The following NRSN2 variants were observed in gnomAD, a reference collection of about 807,000 sequenced individuals.
The protein encoded by NRSN2 is neurensin-2.
In NRSN2, 10 loss-of-function variants were observed where a neutral mutation model predicts 11.1. That is an observed-to-expected ratio of 0.90 (90% CI 0.56 to 1.53). The LOEUF (loss-of-function observed/expected upper bound fraction) is 1.53, where lower values mean the gene tolerates loss of function less well. Among genes scored for constraint, NRSN2 ranks in the 40% most tolerant of loss-of-function variants. The probability of loss-of-function intolerance (pLI) is 0.00; values close to 1 mark genes in which losing one functional copy is unlikely to be tolerated. For synonymous variants in NRSN2, 100 were observed against 117.0 expected, an observed-to-expected ratio of 0.86 and a Z score of 0.94; for missense variants, 260 against 273.7, an observed-to-expected ratio of 0.95 and a Z score of 0.35.
Position 349,590 on chromosome 20 carries a change from C to G in NRSN2, c.-6-48C>G. 3.3e-6 allele frequency: 5 copies of G among 1,504,658 alleles called. No homozygotes were observed. The Admixed American group carries it at 7.3e-5, about 22-fold the overall frequency. The allele number at this position is 1,504,658 out of a possible 1,614,324, so 93.2% of individuals were successfully genotyped here. ...GGCTTATGAAGGTCACCATGAGCAGCTCCCACTAATCCCTCCCTCCGTCAG... is the reference window on the plus strand; with the variant it reads ...GGCTTATGAAGGTCACCATGAGCAGGTCCCACTAATCCCTCCCTCCGTCAG... On this transcript the variant is annotated intron_variant, in intron 3 of 4. Transcript: ENST00000382285.
Position 353,074 on chromosome 20 carries a change from G to A in NRSN2, c.190-136G>A, listed in dbSNP as rs2014095493. ...CCTCCTGTCAGTTAGACCCCAGCAA[G>A]TGTGTTCTGTGATTCCCATCTCCTG... is the stretch of plus-strand genomic sequence containing the variant. On this transcript the variant is annotated intron_variant, in intron 4 of 4. Transcript: ENST00000382285. 6.7e-6 allele frequency: 5 copies of A among 750,730 alleles called. No individual in the cohort carries two copies. The Admixed American group carries it at 7.7e-5, about 12-fold the overall frequency. 46.5% of individuals were successfully genotyped at this position (750,730 alleles called of 1,614,324 possible). A position where few individuals can be genotyped will look rare whatever the true frequency, so the allele number is the denominator to read the frequency against.
chr20:353,345 A>C lies in NRSN2; in HGVS notation c.325A>C (p.Asn109His). ...GTTGGATCAGCGGGCAGCCGACTAC[A>C]ACCAGGCCCTGGGCACCTGTCGCCT... ...LVLDQRAADY[N>H]QALGTCRLAG... Residue 109 changes from asparagine (N) to histidine (H), a missense_variant, in exon 5 of 5, where the codon AAC becomes CAC. By Grantham distance (68) the Asn-to-His change is moderately conservative (BLOSUM62 1). Transcript: ENST00000382285. The C allele has an allele frequency of 1.2e-6, 2 of 1,614,018 alleles. No individual in the cohort carries two copies. Among genetic ancestry groups the C allele is most frequent in the Non-Finnish European group, 1.7e-6 (2 of 1,180,002 alleles).
rs142704730 is a variant in NRSN2 at position 353,362 on chromosome 20, C to T, written c.342C>T (p.Thr114=). 13 of 1,613,940 alleles carry T rather than the reference C, an allele frequency of 8.1e-6. No individual in the cohort carries two copies. The highest frequency in any genetic ancestry group is 1.1e-5 in the South Asian group (1 of 91,086). The change falls in exon 5 of 5, where the codon ACC becomes ACT. Residue 114 remains threonine, a synonymous_variant. Coordinates refer to ENST00000382285, the MANE Select transcript of NRSN2 (RefSeq NM_001323682.2). ...CCGACTACAACCAGGCCCTGGGCAC[C>T]TGTCGCCTGGCAGGCACAGCGCTCT... The part of the protein sequence containing the change: ...RAADYNQALG[T]CRLAGTALCV...
chr20:348,291 C>T (rs528440076), intron 2 of NRSN2: 2 of 152,678 alleles, frequency 1.3e-5, no homozygotes, highest in East Asian at 1.9e-4. Context: ...CCTCCTCCGA[C>T]GGTCCTTCGC....
intron 4 of NRSN2, among the ~76,000 whole-genome samples, 149 bp from the exon 5 acceptor site, chr20:353,057 CAGTT>C (rs975742648): frequency 3.3e-5 from 5 of 152,088 alleles, no homozygotes; most frequent in Admixed American, 1.3e-4. Flanking sequence ...TGCCTCCTGT[CAGTT>C]AGACCCCAGC....
intron 3 of NRSN2, 58 bp downstream of exon 3, chr20:349,421 C>T (rs1196449287): frequency 2.2e-6 from 1 of 461,086 alleles, no homozygotes; most frequent in Non-Finnish European, 3.9e-6. Flanking sequence ...AATTGCCAGG[C>T]ACTGGGCTAA....
chr20:352,286 G>C lies in NRSN2; in HGVS notation c.190-924G>C, dbSNP rs374540363. Among the ~76,000 whole-genome samples, 190 of 152,324 alleles carry C rather than the reference G, an allele frequency of 1.2e-3. 7 individuals carry two copies. In the South Asian group the frequency reaches 0.029, roughly 23 times the overall value. On this transcript the variant is annotated intron_variant, in intron 4 of 4. Transcript: ENST00000382285. ...GCAATGAGCTGAGTGCCTGCTATGGGCATAGCTCTTTGCTAAATATTCTCG... is the reference window on the plus strand; with the variant it reads ...GCAATGAGCTGAGTGCCTGCTATGGCCATAGCTCTTTGCTAAATATTCTCG...
At position 349,721 on chromosome 20, in the gene NRSN2, C is replaced by T. The variant is rs369450362; in HGVS notation, c.78C>T (p.Arg26=). ...SVEDGKWYGV[R]SYLHLFYEDC... ...AGGATGGCAAGTGGTATGGGGTCCG[C>T]TCCTACCTGCACCTCTTCTATGAGG... The change falls in exon 4 of 5, where the codon CGC becomes CGT. Residue 26 remains arginine, a synonymous_variant. Transcript: ENST00000382285. 3.0e-5 allele frequency: 49 copies of T among 1,613,504 alleles called. 1 individual carries two copies. In the South Asian group the frequency reaches 3.5e-4, roughly 12 times the overall value.
At position 353,324 on chromosome 20, in the gene NRSN2, G is replaced by A; in HGVS notation, c.304G>A (p.Asp102Asn). The change falls in exon 5 of 5, where the codon GAT (aspartate) becomes AAT (asparagine). Residue 102 changes from aspartate to asparagine, a missense_variant. Asp to Asn is a conservative substitution (Grantham distance 23). Coordinates refer to ENST00000382285, the MANE Select transcript of NRSN2 (RefSeq NM_001323682.2). ...CGGTGAGGGTGAGTTCCTGGTGTTG[G>A]ATCAGCGGGCAGCCGACTACAACCA... The part of the protein sequence containing the change: ...GIGEGEFLVL[D>N]QRAADYNQAL... 1.2e-6 allele frequency: 2 copies of A among 1,614,052 alleles called. No homozygotes were observed. The highest frequency in any genetic ancestry group is 1.7e-6 in the Non-Finnish European group (2 of 1,180,022).
At position 347,696 on chromosome 20, in the gene NRSN2, C is replaced by G. The variant is rs992414086; in HGVS notation, c.-122+184C>G. Among the ~76,000 whole-genome samples, 1 of 152,116 alleles carries G rather than the reference C, an allele frequency of 6.6e-6. No individual in the cohort carries two copies. Among genetic ancestry groups the G allele is most frequent in the Non-Finnish European group, 1.5e-5 (1 of 68,008 alleles). On this transcript the variant is annotated intron_variant, in intron 2 of 4. Transcript: ENST00000382285. The surrounding 1 kb of genome is among the most constrained non-coding windows in gnomAD (Gnocchi z 7.0). ...AGAGGCGACAGATTCCGTCCATCTT[C>G]GGGCCCTGGCTTCCGTCACTTCCGC...
chr20:348,341 T>C (rs2013618826), intron 2 of NRSN2: 1 of 152,916 alleles, frequency 6.5e-6, no homozygotes, highest in Non-Finnish European at 1.5e-5. Flanking sequence ...TCGTGGCTTT[T>C]GTTGTTGTTG....
chr20:348,251 G>A (rs150341630), intron 2 of NRSN2: 1,949 of 151,186 alleles, frequency 0.013, 16 homozygotes, highest in Non-Finnish European at 0.022. Flanking sequence ...GCCTCCTCCG[G>A]CGAGCCCTCC....
rs768668872 is a variant in NRSN2 at position 349,820 on chromosome 20, A to G, written c.177A>G (p.Ser59=). 5.0e-6 allele frequency: 8 copies of G among 1,613,078 alleles called. No homozygotes were observed. Among genetic ancestry groups the G allele is most frequent in the Non-Finnish European group, 6.8e-6 (8 of 1,179,868 alleles). ...TGTGCCCCCGCCGGCCCTGGCCCTC[A>G]CTGTGTTGGAAGGTAAGGCCAGATG... The part of the protein sequence containing the change: ...PVLCPRRPWP[S]LCWKISLSSG... The change falls in exon 4 of 5, where the codon TCA becomes TCG. Residue 59 remains serine (S), a synonymous_variant. Transcript: ENST00000382285.
intron 3 of NRSN2, 39 bp downstream of exon 3, chr20:349,402 G>C (rs2013735566): frequency 4.8e-6 from 2 of 416,572 alleles, no homozygotes; most frequent in Non-Finnish European, 8.6e-6. Context: ...CACATTTATT[G>C]ACACCTCCAA....
chr20:353,692 C>T lies in NRSN2; in HGVS notation c.*57C>T. The T allele has an allele frequency of 1.3e-6, 2 of 1,537,100 alleles. No individual in the cohort carries two copies. The highest frequency in any genetic ancestry group is 2.0e-5 in the Admixed American group (1 of 50,710). ...GATCCTTCCCCCCTTCTCACCATAA[C>T]CCCCTCTCAGTGTTTCCCCAACTTC... On this transcript the variant is annotated 3_prime_UTR_variant, in exon 5 of 5. Transcript: ENST00000382285.
At position 353,480 on chromosome 20, in the gene NRSN2, G is replaced by A. The variant is rs182411480; in HGVS notation, c.460G>A (p.Glu154Lys). The A allele has an allele frequency of 6.3e-5, 102 of 1,614,174 alleles. No homozygotes were observed. The highest frequency in any genetic ancestry group is 1.7e-4 in the Middle Eastern group (1 of 6,060). The change falls in exon 5 of 5, where the codon GAA becomes AAA. Residue 154 changes from glutamate (E) to lysine (K), a missense_variant. By Grantham distance (56) the Glu-to-Lys change is moderately conservative (BLOSUM62 1). Coordinates refer to ENST00000382285, the MANE Select transcript of NRSN2 (RefSeq NM_001323682.2). ...QDTKAEPLDPEADSHVEVFGD... is the reference protein window; with the variant it reads ...QDTKAEPLDPKADSHVEVFGD... The stretch of plus-strand genomic sequence containing the variant: ...CACCAAGGCAGAGCCCTTGGACCCC[G>A]AAGCCGACAGCCACGTGGAGGTCTT...
rs550226638 is a variant in NRSN2, at chr20:347,406, A to C, written c.-200-28A>C. On this transcript the variant is annotated intron_variant, in intron 1 of 4. Transcript: ENST00000382285. The surrounding 1 kb of genome is among the most constrained non-coding windows in gnomAD (Gnocchi z 7.0). ...CCCCCACCCCCGCCAACACTTCAAA[A>C]ACCCATTCCTACCCCTCTCTGCCTC... is the stretch of plus-strand genomic sequence containing the variant. 6 of 152,384 alleles carry C rather than the reference A, an allele frequency of 3.9e-5. No homozygotes were observed. In the East Asian group the frequency reaches 5.8e-4, roughly 15 times the overall value. The allele number at this position is 152,384 out of a possible 1,614,324, so 9.4% of individuals were successfully genotyped here. A position where few individuals can be genotyped will look rare whatever the true frequency, so the allele number is the denominator to read the frequency against.
At chr20:351,604 C>T (rs1160689922) in intron 4 of NRSN2, among the ~76,000 whole-genome samples, 4 of 152,140 alleles carry the variant, frequency 2.6e-5, no homozygotes, top group Non-Finnish European at 5.9e-5. Flanking sequence ...TTACCATTTA[C>T]CTTAGCACCA....
Position 353,189 on chromosome 20 carries a change from G to C in NRSN2, c.190-21G>C, listed in dbSNP as rs374273254. 1.6e-5 allele frequency: 25 copies of C among 1,609,758 alleles called. No individual in the cohort carries two copies. In the African/African-American group the frequency reaches 3.1e-4, roughly 20 times the overall value. The stretch of plus-strand genomic sequence containing the variant: ...CCCTGGCTGACCCTGACTGCTTCCT[G>C]GTCTGTCTGCTTCTCCCTAGATCAG... On this transcript the variant is annotated intron_variant, in intron 4 of 4. Coordinates refer to ENST00000382285, the MANE Select transcript of NRSN2 (RefSeq NM_001323682.2).
Sources: allele counts gnomAD v4.1 joint callset (sites outside exome capture counted in the v4.1 genomes callset), GRCh38; gene constraint gnomAD v4.1.1; non-coding constraint Gnocchi (gnomAD v3.1); transcripts MANE v1.5; gene names NCBI Gene and HGNC (gene_info 2026-07-23, HGNC 2026-07-21).